The following NRG1 variants were observed in gnomAD, a reference collection of about 807,000 sequenced individuals.
NRG1 encodes the protein neuregulin 1, also known as pro-neuregulin-1, membrane-bound isoform.
NRG1 carries 18 observed loss-of-function variants against 63.8 expected under a neutral mutation model. The observed-to-expected ratio is 0.28, with a 90% CI of 0.19 to 0.42. The LOEUF is 0.42. Ranked by LOEUF, NRG1 falls within the 10% of genes least tolerant of loss-of-function variation. NRG1 has a pLI of 1.00. For synonymous variants in NRG1, 302 were observed against 301.3 expected (o/e 1.00, Z -0.02); for missense variants, 762 against 814.7 (o/e 0.94, Z 0.79).
chr8:32,066,938 C>T (rs1216072036), intron 1 of NRG1, among the ~76,000 whole-genome samples: 1 of 151,962 alleles, frequency 6.6e-6, no homozygotes, highest in Non-Finnish European at 1.5e-5. Context: ...GTATTTTATT[C>T]TCTTTGAAGC....
At chr8:32,454,766 C>T (rs1169074916) in intron 1 of NRG1, among the ~76,000 whole-genome samples, 2 of 152,042 alleles carry the variant, frequency 1.3e-5, no homozygotes, top group East Asian at 1.9e-4. Flanking sequence ...AGTGTTTAGA[C>T]CATCTACAGT....
chr8:31,914,496 C>CA (rs1833217360), intron 1 of NRG1, among the ~76,000 whole-genome samples: 2 of 151,566 alleles, frequency 1.3e-5, no homozygotes, highest in Admixed American at 6.6e-5. Context: ...CTAGATATAG[C>CA]AACCTGCCTG....
chr8:32,525,667 G>A (rs1158081030), intron 1 of NRG1, among the ~76,000 whole-genome samples: 1 of 152,070 alleles, frequency 6.6e-6, no homozygotes, highest in Admixed American at 6.6e-5. Flanking sequence ...GTTATTCAAG[G>A]TGTTGCCTGG....
intron 1 of NRG1, among the ~76,000 whole-genome samples, chr8:32,573,731 C>T (rs1012240002): frequency 2.6e-5 from 4 of 151,634 alleles, no homozygotes; most frequent in South Asian, 2.1e-4. Flanking sequence ...ATACATGTGC[C>T]GTGTTGGTGT....
In NRG1 at chr8:32,388,577, G is replaced by A. The variant is rs73677015; in HGVS notation, c.38-207251G>A. Among the ~76,000 whole-genome samples, 1,297 of 152,126 alleles carry A rather than the reference G, an allele frequency of 8.5e-3. 21 individuals carry two copies. Among genetic ancestry groups the A allele is most frequent in the African/African-American group, 0.03 (1,247 of 41,506 alleles). On this transcript the variant is annotated intron_variant, in intron 1 of 10. Coordinates refer to the NRG1 transcript ENST00000519301. ...CTCAGGCTCTGGGAAGGATGGGTCTGGAAACAACCCCACAGTAGACCATAC... is the reference window on the plus strand; with the variant it reads ...CTCAGGCTCTGGGAAGGATGGGTCTAGAAACAACCCCACAGTAGACCATAC...
chr8:32,555,557 C>T (rs918304539), intron 1 of NRG1, among the ~76,000 whole-genome samples: 2 of 152,144 alleles, frequency 1.3e-5, no homozygotes, highest in South Asian at 2.1e-4. Flanking sequence ...CTGCAAGCTC[C>T]GCCTCCCGGG....
intron 1 of NRG1, among the ~76,000 whole-genome samples, chr8:31,790,531 G>A (rs1820600022): frequency 6.6e-6 from 1 of 152,168 alleles, no homozygotes; most frequent in South Asian, 2.1e-4. Context: ...CCTCATCTGT[G>A]AAGGAGTTAC....
chr8:32,194,491 A>G (rs1563895199), intron 1 of NRG1, among the ~76,000 whole-genome samples: 1 of 152,024 alleles, frequency 6.6e-6, no homozygotes. Context: ...ACATCATCCA[A>G]TCCCACCCTA....
chr8:32,198,126 G>C (rs940379024), intron 1 of NRG1, among the ~76,000 whole-genome samples: 1 of 152,196 alleles, frequency 6.6e-6, no homozygotes, highest in Non-Finnish European at 1.5e-5. Context: ...ACCATTGCTT[G>C]ATCATCCTGT....
intron 1 of NRG1, among the ~76,000 whole-genome samples, chr8:31,768,695 A>G (rs572275005): frequency 6.6e-6 from 1 of 152,268 alleles, no homozygotes; most frequent in South Asian, 2.1e-4. Flanking sequence ...AAGATACTGA[A>G]TTTTTGGGAA....
intron 1 of NRG1, among the ~76,000 whole-genome samples, chr8:32,086,072 G>A (rs1828178672): frequency 6.6e-6 from 1 of 152,114 alleles, no homozygotes; most frequent in Non-Finnish European, 1.5e-5. Context: ...GAGTCACAAG[G>A]GTTCTGTGAA....
At chr8:32,148,679 A>C (rs1262061826) in intron 1 of NRG1, among the ~76,000 whole-genome samples, 1 of 152,218 alleles carries the variant, frequency 6.6e-6, no homozygotes, top group Non-Finnish European at 1.5e-5. Context: ...GATGTGTTTA[A>C]ATATTAGAGG....
At chr8:32,083,242 C>G (rs1466301587) in intron 1 of NRG1, among the ~76,000 whole-genome samples, 1 of 152,152 alleles carries the variant, frequency 6.6e-6, no homozygotes, top group Admixed American at 6.5e-5. Flanking sequence ...GGTTAGGAAA[C>G]AGAAAATTCC....
At chr8:31,982,773 A>AT (rs938570214) in intron 1 of NRG1, among the ~76,000 whole-genome samples, 3 of 152,018 alleles carry the variant, frequency 2.0e-5, no homozygotes, top group Non-Finnish European at 2.9e-5. Context: ...AGAAACTGCT[A>AT]TTTTTTTCAT....
intron 1 of NRG1, among the ~76,000 whole-genome samples, chr8:32,551,080 C>T (rs1432146045): frequency 6.6e-6 from 1 of 152,142 alleles, no homozygotes; most frequent in African/African-American, 2.4e-5. Context: ...TGTTTCTTTC[C>T]TTCTTTGTCA....
At chr8:31,698,138 G>T (rs1810275032) in intron 1 of NRG1, among the ~76,000 whole-genome samples, 1 of 152,000 alleles carries the variant, frequency 6.6e-6, no homozygotes, top group African/African-American at 2.4e-5. Context: ...CCTGACTTCT[G>T]ATCTGGAGTC....
intron 1 of NRG1, among the ~76,000 whole-genome samples, chr8:32,215,343 A>T (rs2132425075): frequency 6.6e-6 from 1 of 152,300 alleles, no homozygotes; most frequent in Non-Finnish European, 1.5e-5. Context: ...TTGGAGTGAT[A>T]ATCACCTGTT....
At chr8:31,844,751 G>A (rs1354711557) in intron 1 of NRG1, among the ~76,000 whole-genome samples, 1 of 151,954 alleles carries the variant, frequency 6.6e-6, no homozygotes, top group Non-Finnish European at 1.5e-5. Context: ...TTTTAAAAAT[G>A]CCTCTGTAGG....
At chr8:31,859,954 T>C (rs1828316572) in intron 1 of NRG1, among the ~76,000 whole-genome samples, 1 of 152,222 alleles carries the variant, frequency 6.6e-6, no homozygotes, top group Admixed American at 6.5e-5. Flanking sequence ...AGCTCAGTGC[T>C]TAGAAACAAC....
Sources: gnomAD v4.1 joint callset for allele counts (sites outside exome capture counted in the v4.1 genomes callset) on GRCh38, gnomAD v4.1.1 for gene constraint, MANE v1.5 for transcripts, NCBI Gene and HGNC (gene_info 2026-07-23, HGNC 2026-07-21) for gene names.